Variants in PKHD1 observed in about 807,000 individuals in gnomAD.
PKHD1 encodes the protein PKHD1 ciliary IPT domain containing fibrocystin/polyductin.
A neutral mutation model predicts 412.0 loss-of-function variants in PKHD1; 291 were observed. The ratio of observed to expected loss-of-function variants is 0.71; its 90% confidence interval spans 0.64 to 0.78. PKHD1 has a LOEUF of 0.78. Ranked by LOEUF, PKHD1 falls within the 30% of genes least tolerant of loss-of-function variation. PKHD1 has a pLI of 0.00. For synonymous variants in PKHD1, 1,777 were observed against 1,821.5 expected, an observed-to-expected ratio of 0.98 and a Z score of 0.62; for missense variants, 4,825 against 4,950.7, an observed-to-expected ratio of 0.97 and a Z score of 0.76.
At chr6:52,022,533 A>G (rs1487082795) in intron 33 of PKHD1, among the ~76,000 whole-genome samples, 1 of 152,164 alleles carries the variant, frequency 6.6e-6, no homozygotes. Flanking sequence ...TGTCATCCTA[A>G]GACTGCAGTT....
At position 51,702,421 on chromosome 6, in the gene PKHD1, G is replaced by A. The variant is rs115234325; in HGVS notation, c.10156+41964C>T. 1.9e-3 allele frequency among the ~76,000 whole-genome samples: 294 copies of A among 151,628 alleles called. 1 individual carries two copies. The highest frequency in any genetic ancestry group is 6.2e-3 in the African/African-American group (256 of 41,396). On this transcript the variant is annotated intron_variant, in intron 60 of 66. Transcript: ENST00000371117. ...TAAGAATTAAACAGTGTATTTTGGC[G>A]ACTCAGGGGAAAAGATAGGAGGCAG...
chr6:51,718,814 T>C (rs893410233), intron 60 of PKHD1, among the ~76,000 whole-genome samples: 5 of 152,210 alleles, frequency 3.3e-5, no homozygotes, highest in Non-Finnish European at 7.3e-5. Flanking sequence ...TGTGATCATA[T>C]GTGCAAGTAT....
intron 52 of PKHD1, among the ~76,000 whole-genome samples, chr6:51,815,471 G>A (rs1765301371): frequency 6.6e-6 from 1 of 152,102 alleles, no homozygotes; most frequent in Admixed American, 6.6e-5. Context: ...AGGGTGGGGA[G>A]GGAGAGAAAG....
intron 60 of PKHD1, among the ~76,000 whole-genome samples, chr6:51,733,654 G>A (rs1224235083): frequency 6.6e-6 from 1 of 152,106 alleles, no homozygotes; most frequent in Admixed American, 6.5e-5. Flanking sequence ...TTGGCTGATA[G>A]AAGGAATTTA....
intron 50 of PKHD1, among the ~76,000 whole-genome samples, chr6:51,843,762 C>A (rs1422981455): frequency 3.3e-5 from 5 of 152,238 alleles, no homozygotes; most frequent in Non-Finnish European, 5.9e-5. Context: ...CAATAGTGCA[C>A]ACAAGGTTCT....
At chr6:51,997,661 G>C (rs1489266609) in intron 35 of PKHD1, among the ~76,000 whole-genome samples, 3 of 152,202 alleles carry the variant, frequency 2.0e-5, no homozygotes, top group Non-Finnish European at 2.9e-5. Context: ...AACTTCCACT[G>C]TTTGCAACAA....
At position 52,044,968 on chromosome 6, in the gene PKHD1, G is replaced by C; in HGVS notation, c.2713C>G (p.Gln905Glu). ...DMLATANQHT[Q>E]VVVRVNDVPA... ...TAGGGTGGCCCATTCACTCTCACCT[G>C]AGTATGCTGGTTGGCAGTAGCCAAC... The change falls in exon 25 of 67, where the codon CAG (glutamine) becomes GAG (glutamate). Residue 905 changes from glutamine (Q) to glutamate (E), a missense_variant and splice_region_variant. By Grantham distance (29) the Gln-to-Glu change is conservative. Transcript: ENST00000371117. The C allele has an allele frequency of 6.2e-7, 1 of 1,613,528 alleles. No individual in the cohort carries two copies. The highest frequency in any genetic ancestry group is 1.1e-5 in the South Asian group (1 of 91,060).
chr6:51,732,303 A>G (rs1383449553), intron 60 of PKHD1, among the ~76,000 whole-genome samples: 2 of 152,188 alleles, frequency 1.3e-5, no homozygotes, highest in African/African-American at 2.4e-5. Context: ...TCATAAAAAT[A>G]TCAAAAATTT....
At chr6:51,955,102 C>T (rs1053214261) in intron 36 of PKHD1, among the ~76,000 whole-genome samples, 1 of 151,856 alleles carries the variant, frequency 6.6e-6, no homozygotes, top group South Asian at 2.1e-4. Context: ...ATATAATTAA[C>T]TAAATCAAGG....
intron 52 of PKHD1, among the ~76,000 whole-genome samples, chr6:51,809,274 G>A (rs565406220): frequency 4.1e-4 from 62 of 152,142 alleles, no homozygotes; most frequent in African/African-American, 1.5e-3. Flanking sequence ...TTTTTAGCAT[G>A]TGGGTAGACA....
chr6:51,867,921 C>G lies in PKHD1; in HGVS notation c.7675G>C (p.Val2559Leu), dbSNP rs150046042. The G allele has an allele frequency of 1.2e-3, 1,942 of 1,613,106 alleles. 2 individuals are homozygous for G. The highest frequency in any genetic ancestry group is 2.8e-3 in the Middle Eastern group (17 of 6,062). ...CCTCCACAGGCACTGCCATGGACAA[C>G]CCGACCAAAGCTTGAATTGACCAAA... ...SCLVNSSFGR[V>L]VHGSACGGGV... Residue 2559 changes from valine to leucine, a missense_variant, in exon 48 of 67, where the codon GTT becomes CTT. Physicochemically the swap from Val to Leu is conservative, Grantham distance 32. Transcript: ENST00000371117.
chr6:52,044,118 A>T (rs1310368925), intron 25 of PKHD1, among the ~76,000 whole-genome samples: 1 of 152,214 alleles, frequency 6.6e-6, no homozygotes, highest in African/African-American at 2.4e-5. Context: ...AATTTGGTGC[A>T]TTCCTTCCAC....
At chr6:51,707,154 A>T (rs1048703921) in intron 60 of PKHD1, among the ~76,000 whole-genome samples, 1 of 152,202 alleles carries the variant, frequency 6.6e-6, no homozygotes, top group African/African-American at 2.4e-5. Context: ...GACATTAAGT[A>T]TGCTGGGGAG....
intron 50 of PKHD1, among the ~76,000 whole-genome samples, chr6:51,845,582 A>G (rs188290785): frequency 2.6e-5 from 4 of 152,370 alleles, no homozygotes; most frequent in Admixed American, 2.6e-4. Flanking sequence ...TAATTTTTAA[A>G]AATTAATAAA....
At chr6:52,081,111 A>G (rs1024378667) in intron 4 of PKHD1, among the ~76,000 whole-genome samples, 1 of 152,012 alleles carries the variant, frequency 6.6e-6, no homozygotes, top group African/African-American at 2.4e-5. Context: ...ATCAATTAGT[A>G]TATTTAATAG....
At chr6:51,852,736 T>G (rs951426092) in intron 49 of PKHD1, among the ~76,000 whole-genome samples, 20 of 152,058 alleles carry the variant, frequency 1.3e-4, no homozygotes, top group Non-Finnish European at 2.9e-4. Context: ...AACCCTGTTT[T>G]TTTTTTTTTC....
chr6:51,983,825 A>G (rs544408163), intron 35 of PKHD1, among the ~76,000 whole-genome samples: 1 of 152,356 alleles, frequency 6.6e-6, no homozygotes, highest in South Asian at 2.1e-4. Flanking sequence ...TCAACTGGAA[A>G]TATTTTGCTA....
intron 60 of PKHD1, among the ~76,000 whole-genome samples, chr6:51,716,804 C>T (rs1290763659): frequency 6.6e-6 from 1 of 152,030 alleles, no homozygotes; most frequent in Non-Finnish European, 1.5e-5. Context: ...ACTGGGTTTA[C>T]TGAGGCAGTA....
chr6:52,033,194 TCA>T, intron 28 of PKHD1, 29 bp from the exon 29 acceptor site: 1 of 1,579,374 alleles, frequency 6.3e-7, no homozygotes, highest in Non-Finnish European at 8.7e-7. Flanking sequence ...AAATTAAACC[TCA>T]GTTTTATTTT....
Sources: allele counts gnomAD v4.1 joint callset (sites outside exome capture counted in the v4.1 genomes callset), GRCh38; gene constraint gnomAD v4.1.1; transcripts MANE v1.5; gene names NCBI Gene and HGNC (gene_info 2026-07-23, HGNC 2026-07-21).